Variants in DMD observed in about 807,000 individuals in gnomAD.
The protein encoded by DMD is mutant dystrophin.
DMD carries 63 observed loss-of-function variants against 330.1 expected under a neutral mutation model. The ratio of observed to expected loss-of-function variants is 0.19; its 90% CI spans 0.16 to 0.24. The LOEUF (loss-of-function observed/expected upper bound fraction) is 0.24, where lower values mean the gene tolerates loss of function less well. DMD is among the 10% of genes least tolerant of loss of function. The probability of loss-of-function intolerance (pLI) is 1.00; values close to 1 mark genes in which losing one functional copy is unlikely to be tolerated. For synonymous variants in DMD, 1,223 were observed against 959.8 expected (o/e 1.27, Z -5.07); for missense variants, 3,344 against 2,684.1 (o/e 1.25, Z -5.43).
At chrX:31,747,582 C>A (rs1266308367) in intron 51 of DMD, among the ~76,000 whole-genome samples, 1 of 111,376 alleles carries the variant, frequency 9.0e-6, no homozygotes, top group Non-Finnish European at 1.9e-5. Flanking sequence ...GAAAGGAGCC[C>A]AGCTTGAGGG....
intron 50 of DMD, among the ~76,000 whole-genome samples, chrX:31,814,520 ACT>A (rs2092566957): frequency 1.0e-5 from 1 of 97,275 alleles, no homozygotes. Flanking sequence ...AAAAAAGAAA[ACT>A]CTGTTAACTG....
At chrX:32,520,466 C>G (rs1160250074) in intron 17 of DMD, among the ~76,000 whole-genome samples, 1 of 111,614 alleles carries the variant, frequency 9.0e-6, no homozygotes, top group Non-Finnish European at 1.9e-5. Context: ...ATCTATTTGC[C>G]AGTATATTGG....
intron 1 of DMD, among the ~76,000 whole-genome samples, chrX:33,141,769 T>C (rs1569556323): frequency 5.4e-5 from 6 of 111,416 alleles, no homozygotes; most frequent in African/African-American, 1.6e-4. Context: ...ATACACCTAA[T>C]TGCTCTCTAG....
At chrX:31,431,362 C>T (rs1028372240) in intron 60 of DMD, among the ~76,000 whole-genome samples, 2 of 111,123 alleles carry the variant, frequency 1.8e-5, no homozygotes, top group African/African-American at 6.5e-5. Flanking sequence ...TTCCTGCCAG[C>T]TGTTGGTAGA....
chrX:31,173,682 C>T, intron 71 of DMD, 78 bp from the exon 72 acceptor site: 2 of 876,738 alleles, frequency 2.3e-6, no homozygotes, highest in Non-Finnish European at 3.3e-6. Flanking sequence ...TTATGTTATA[C>T]ACATGGCCTA....
intron 63 of DMD, among the ~76,000 whole-genome samples, chrX:31,225,107 G>T (rs1418319031): frequency 8.9e-6 from 1 of 112,532 alleles, no homozygotes; most frequent in African/African-American, 3.2e-5. Context: ...ACTTAAAATG[G>T]AAACATGTTA....
At chrX:31,717,897 T>C (rs1297485285) in intron 52 of DMD, among the ~76,000 whole-genome samples, 1 of 111,897 alleles carries the variant, frequency 8.9e-6, no homozygotes, top group East Asian at 2.8e-4. Flanking sequence ...TCTACGTTTT[T>C]CTGAGAGCCA....
At chrX:31,165,619 G>C (rs60654181) in intron 74 of DMD, among the ~76,000 whole-genome samples, 3,173 of 111,440 alleles carry the variant, frequency 0.028, 115 homozygotes, top group African/African-American at 0.098. Context: ...TAAGTCAGGA[G>C]ACTGAAGGCT....
chrX:32,468,492 A>C lies in DMD; in HGVS notation c.3162+6T>G. On this transcript the variant is annotated splice_donor_region_variant and intron_variant, in intron 23 of 78. Transcript: ENST00000357033. ...AATGAGGGTAGAAAGTAAAATCTTG[A>C]ATTACCTGAATTTTTCGGAGTTTAT... is the stretch of plus-strand genomic sequence containing the variant. 1 of 1,194,078 alleles carries C rather than the reference A, an allele frequency of 8.4e-7. No individual in the cohort carries two copies. The highest frequency in any genetic ancestry group is 1.1e-6 in the Non-Finnish European group (1 of 883,401).
intron 7 of DMD, among the ~76,000 whole-genome samples, chrX:32,778,788 A>C (rs1349057722): frequency 3.6e-5 from 4 of 111,425 alleles, no homozygotes; most frequent in African/African-American, 1.3e-4. Flanking sequence ...CGGTGACTAC[A>C]TAGTGTGCAC....
intron 2 of DMD, among the ~76,000 whole-genome samples, chrX:32,989,324 C>T (rs1407737993): frequency 4.5e-5 from 5 of 111,822 alleles, no homozygotes; most frequent in African/African-American, 9.7e-5. Flanking sequence ...GTCTGGGAAT[C>T]GGTGGTCAAT....
chrX:32,776,346 C>T (rs1287718875), intron 7 of DMD, among the ~76,000 whole-genome samples: 1 of 108,599 alleles, frequency 9.2e-6, no homozygotes, highest in Non-Finnish European at 1.9e-5. Context: ...TCTATAATTG[C>T]TATATTTATA....
chrX:33,038,047 C>A (rs1459039359), intron 1 of DMD, among the ~76,000 whole-genome samples: 2 of 112,099 alleles, frequency 1.8e-5, no homozygotes, highest in Admixed American at 1.9e-4. Flanking sequence ...ATGCCAAGGG[C>A]AGTTAAGTGT....
Position 32,545,159 on chromosome X carries a change from C to T in DMD, c.2168G>A (p.Arg723Lys). 8.3e-7 allele frequency: 1 copy of T among 1,209,622 alleles called. No individual in the cohort carries two copies. The highest frequency in any genetic ancestry group is 1.1e-6 in the Non-Finnish European group (1 of 893,803). Residue 723 changes from arginine (R) to lysine (K), a missense_variant and splice_region_variant, in exon 17 of 79, where the codon AGG becomes AAG. Physicochemically the swap from Arg to Lys is conservative, Grantham distance 26. Transcript: ENST00000357033. ...AGATAAAAGCTTAAGATGCTCTCAC[C>T]TTTTCCTAATTTCAGAATCCACAGT... ...QITVDSEIRK[R>K]LDVDITELHS...
chrX:32,489,021 C>A (rs146504579), intron 20 of DMD, among the ~76,000 whole-genome samples: 55 of 111,476 alleles, frequency 4.9e-4, no homozygotes, highest in African/African-American at 1.8e-3. Context: ...AGGAAGATGC[C>A]CTTGGTGGCT....
intron 9 of DMD, among the ~76,000 whole-genome samples, chrX:32,682,972 T>A (rs2062546636): frequency 8.9e-6 from 1 of 111,868 alleles, no homozygotes; most frequent in African/African-American, 3.2e-5. Flanking sequence ...TAGCGTTCCC[T>A]TGCTGATTCA....
At chrX:32,723,588 G>A (rs371487068) in intron 7 of DMD, among the ~76,000 whole-genome samples, 15 of 111,348 alleles carry the variant, frequency 1.3e-4, no homozygotes, top group African/African-American at 4.6e-4. Flanking sequence ...CTCGATAACT[G>A]CTTAGTATGA....
intron 69 of DMD, among the ~76,000 whole-genome samples, chrX:31,179,351 CTT>C (rs1458881324): frequency 2.7e-5 from 3 of 112,527 alleles, no homozygotes; most frequent in African/African-American, 9.7e-5. Context: ...GCTTCTCATA[CTT>C]TGTTGTGTAT....
intron 43 of DMD, among the ~76,000 whole-genome samples, chrX:32,254,266 T>C (rs761248382): frequency 9.0e-6 from 1 of 111,427 alleles, no homozygotes; most frequent in Non-Finnish European, 1.9e-5. Context: ...GGACTCTAAC[T>C]CCTGGCCTCA....
Sources: gnomAD v4.1 joint callset for allele counts (sites outside exome capture counted in the v4.1 genomes callset) on GRCh38, gnomAD v4.1.1 for gene constraint, MANE v1.5 for transcripts, NCBI Gene and HGNC (gene_info 2026-07-23, HGNC 2026-07-21) for gene names.